Variants in METTL16 observed in about 807,000 individuals in gnomAD.
METTL16 encodes the protein methyltransferase 16, RNA N6-adenosine, also known as RNA N(6)-adenosine-methyltransferase METTL16.
Under a neutral mutation model 57.9 loss-of-function variants are expected in METTL16, and 19 were observed. The observed-to-expected ratio is 0.33, with a 90% CI of 0.23 to 0.48. The LOEUF (loss-of-function observed/expected upper bound fraction) is 0.48, where lower values mean the gene tolerates loss of function less well. METTL16 is among the 20% of genes least tolerant of loss of function. METTL16 has a pLI of 0.99. For synonymous variants in METTL16, 246 were observed against 255.6 expected (o/e 0.96, Z 0.36); for missense variants, 434 against 691.5 (o/e 0.63, Z 4.18).
At chr17:2,478,976 C>T (rs910394972) in intron 2 of METTL16, among the ~76,000 whole-genome samples, 1 of 152,104 alleles carries the variant, frequency 6.6e-6, no homozygotes, top group Non-Finnish European at 1.5e-5. Context: ...TGTGGACATA[C>T]GTTTTCGCTG....
At chr17:2,498,841 C>T (rs931587594) in intron 2 of METTL16, among the ~76,000 whole-genome samples, 6 of 151,538 alleles carry the variant, frequency 4.0e-5, no homozygotes, top group Non-Finnish European at 8.8e-5. Flanking sequence ...CTCAGTGGGC[C>T]TTATAAAGCA....
chr17:2,461,666 T>A (rs538138981), intron 6 of METTL16, among the ~76,000 whole-genome samples: 3 of 147,224 alleles, frequency 2.0e-5, no homozygotes, highest in Non-Finnish European at 4.5e-5. Flanking sequence ...AACCTCTGCC[T>A]CCCAGGTTCA....
At chr17:2,499,501 CA>C (rs2067472089) in intron 2 of METTL16, among the ~76,000 whole-genome samples, 1 of 147,904 alleles carries the variant, frequency 6.8e-6, no homozygotes, top group African/African-American at 2.7e-5. Flanking sequence ...CTAGGATCAA[CA>C]TCCACGTATA....
intron 1 of METTL16, among the ~76,000 whole-genome samples, chr17:2,503,799 T>C (rs1192152440): frequency 6.6e-6 from 1 of 151,384 alleles, no homozygotes; most frequent in East Asian, 1.9e-4. Context: ...ATCCATACAG[T>C]AAATATGGAT....
chr17:2,501,396 T>A (rs1414482699), intron 2 of METTL16, among the ~76,000 whole-genome samples: 3 of 152,110 alleles, frequency 2.0e-5, no homozygotes, highest in African/African-American at 7.2e-5. Context: ...GCCACTGCAC[T>A]CCAGCTTGGG....
intron 6 of METTL16, among the ~76,000 whole-genome samples, chr17:2,444,445 G>A (rs1310442105): frequency 6.6e-6 from 1 of 151,866 alleles, no homozygotes; most frequent in South Asian, 2.1e-4. Context: ...GCGAGACTCT[G>A]TCTCAAAATA....
At chr17:2,485,486 G>A (rs1396461648) in intron 2 of METTL16, among the ~76,000 whole-genome samples, 1 of 152,174 alleles carries the variant, frequency 6.6e-6, no homozygotes, top group Non-Finnish European at 1.5e-5. Context: ...TGCCAAAAAG[G>A]TTGGAGACCA....
intron 8 of METTL16, among the ~76,000 whole-genome samples, chr17:2,428,182 G>A: frequency 6.6e-6 from 1 of 151,958 alleles, no homozygotes; most frequent in African/African-American, 2.4e-5. Context: ...ACCATCCCTA[G>A]TGCCCAGATG....
intron 4 of METTL16, among the ~76,000 whole-genome samples, chr17:2,471,458 G>A (rs557095814): frequency 2.6e-5 from 4 of 152,186 alleles, no homozygotes; most frequent in African/African-American, 9.6e-5. Flanking sequence ...GCACTTTTTG[G>A]ATATAATACC....
In METTL16 at chr17:2,491,780, C is replaced by T. The variant is rs531634836; in HGVS notation, c.128+10424G>A. On this transcript the variant is annotated intron_variant, in intron 2 of 9. Transcript: ENST00000263092. ...GTTCCAGCTACTCCGGAGGCTGAGG[C>T]AGGAGAATGGCATGAACCTGGGAGG... Among the ~76,000 whole-genome samples the T allele has an allele frequency of 3.6e-3, 503 of 139,144 alleles. 3 individuals are homozygous for T. The highest frequency in any genetic ancestry group is 6.2e-3 in the Non-Finnish European group (406 of 65,760). The allele number at this position is 139,144 out of a possible 152,430, so 91.3% of individuals were successfully genotyped here.
intron 7 of METTL16, among the ~76,000 whole-genome samples, chr17:2,441,100 A>G (rs1427892912): frequency 6.6e-6 from 1 of 152,206 alleles, no homozygotes; most frequent in Non-Finnish European, 1.5e-5. Context: ...CAGTATACAT[A>G]CACAATGGAA....
chr17:2,441,864 C>T (rs902013974), intron 6 of METTL16, among the ~76,000 whole-genome samples: 3 of 152,084 alleles, frequency 2.0e-5, no homozygotes, highest in Non-Finnish European at 4.4e-5. Context: ...ATGCTTACAA[C>T]GAAGGCCGTT....
In METTL16 at chr17:2,440,469, G is replaced by A. The variant is rs372043022; in HGVS notation, c.798+1021C>T. Among the ~76,000 whole-genome samples, 49 of 151,970 alleles carry A rather than the reference G, an allele frequency of 3.2e-4. No individual in the cohort carries two copies. The East Asian group carries it at 8.9e-3, about 28-fold the overall frequency. ...TCACCATGTTGCCCAGGATGGTCTC[G>A]ATCTCTTGACCTCATGATCCGCCCA... On this transcript the variant is annotated intron_variant, in intron 7 of 9. Transcript: ENST00000263092.
rs545003049 is a variant in METTL16, at chr17:2,459,464, G to A, written c.728+4744C>T. Among the ~76,000 whole-genome samples, 6 of 152,290 alleles carry A rather than the reference G, an allele frequency of 3.9e-5. No homozygotes were observed. In the South Asian group the frequency reaches 6.2e-4, roughly 16 times the overall value. ...CCAGGGGAGGCGAGGCATCACAAGC[G>A]CCATCCTGAGGTCAGTCCAACACAT... is the stretch of plus-strand genomic sequence containing the variant. On this transcript the variant is annotated intron_variant, in intron 6 of 9. Coordinates refer to ENST00000263092, the MANE Select transcript of METTL16 (RefSeq NM_024086.4).
chr17:2,423,186 C>T (rs4790336), intron 8 of METTL16, among the ~76,000 whole-genome samples: 51,021 of 151,624 alleles, frequency 0.34, 10,161 homozygotes, highest in East Asian at 0.64. Context: ...AGCGGCCTCA[C>T]ACTGCATACA....
chr17:2,430,162 G>C (rs1477093480), intron 8 of METTL16, among the ~76,000 whole-genome samples: 3 of 151,814 alleles, frequency 2.0e-5, no homozygotes, highest in African/African-American at 7.3e-5. Context: ...ACCCAGGCTG[G>C]AGTGCAGTGG....
intron 1 of METTL16, among the ~76,000 whole-genome samples, chr17:2,502,772 G>A (rs979274286): frequency 6.6e-6 from 1 of 151,950 alleles, no homozygotes; most frequent in Non-Finnish European, 1.5e-5. Context: ...AAGTGAGAAA[G>A]TAGAAATCAC....
chr17:2,477,632 T>C, intron 3 of METTL16, 54 bp downstream of exon 3: 1 of 1,336,066 alleles, frequency 7.5e-7, no homozygotes. Context: ...AAGAATTTGA[T>C]CTCGCAAAAC....
intron 3 of METTL16, among the ~76,000 whole-genome samples, chr17:2,476,617 C>T (rs966497058): frequency 6.6e-6 from 1 of 152,190 alleles, no homozygotes; most frequent in African/African-American, 2.4e-5. Context: ...CAAAGTTAAA[C>T]ATTTACTGCT....
Sources: gnomAD v4.1 joint callset for allele counts (sites outside exome capture counted in the v4.1 genomes callset) on GRCh38, gnomAD v4.1.1 for gene constraint, MANE v1.5 for transcripts, NCBI Gene and HGNC (gene_info 2026-07-23, HGNC 2026-07-21) for gene names.